Variants in ZFAND1 observed in about 807,000 individuals in gnomAD.
The protein encoded by ZFAND1 is AN1-type zinc finger protein 1.
ZFAND1 carries 40 observed loss-of-function variants against 38.5 expected under a neutral mutation model. The observed-to-expected ratio is 1.04, with a 90% CI of 0.81 to 1.35. ZFAND1 has a LOEUF of 1.35. ZFAND1 is among the 40% of genes most tolerant of loss of function. ZFAND1 has a pLI of 0.00. For missense variants in ZFAND1, 346 were observed against 316.3 expected (o/e 1.09, Z -0.71); for synonymous variants, 117 against 103.6 (o/e 1.13, Z -0.78).
intron 6 of ZFAND1, among the ~76,000 whole-genome samples, chr8:81,705,764 C>T (rs186849117): frequency 2.0e-5 from 3 of 152,232 alleles, no homozygotes; most frequent in Admixed American, 2.0e-4. Context: ...CTTAAAAATA[C>T]AAAAATTAGC....
rs1388566230 is a variant in ZFAND1, at chr8:81,703,138, A to G, written c.481-14T>C. The G allele has an allele frequency of 6.8e-7, 1 of 1,477,596 alleles. No individual in the cohort carries two copies. The highest frequency in any genetic ancestry group is 1.4e-5 in the South Asian group (1 of 71,222). The allele number at this position is 1,477,596 out of a possible 1,614,324, so 91.5% of individuals were successfully genotyped here. Reference sequence around the variant, plus strand: ...AATTCTTTCTGTCTGTAAAAAGAAAAAGTTAAAACAACCATTACATAGACA... The same window carrying G: ...AATTCTTTCTGTCTGTAAAAAGAAAGAGTTAAAACAACCATTACATAGACA... On this transcript the variant is annotated splice_polypyrimidine_tract_variant and intron_variant, in intron 6 of 7. Coordinates refer to ENST00000220669, the MANE Select transcript of ZFAND1 (RefSeq NM_024699.3).
intron 2 of ZFAND1, 115 bp downstream of exon 2, chr8:81,718,067 T>C: frequency 1.2e-6 from 1 of 815,822 alleles, no homozygotes; most frequent in Non-Finnish European, 1.8e-6. Context: ...ATACTGAATA[T>C]CAATAATCAA....
At chr8:81,717,734 T>C (rs954631121) in intron 2 of ZFAND1, among the ~76,000 whole-genome samples, 5 of 152,132 alleles carry the variant, frequency 3.3e-5, no homozygotes, top group African/African-American at 1.2e-4. Flanking sequence ...ATGCTTGACA[T>C]TTTAAAGTTT....
rs761903576 is a variant in ZFAND1 at position 81,721,265 on chromosome 8, A to T, written c.17T>A (p.Ile6Asn). 1.9e-6 allele frequency: 3 copies of T among 1,549,222 alleles called. No individual in the cohort carries two copies. The highest frequency in any genetic ancestry group is 1.7e-6 in the Non-Finnish European group (2 of 1,147,138). The change falls in exon 1 of 8, where the codon ATC becomes AAC. Residue 6 changes from isoleucine to asparagine, a missense_variant. Coordinates refer to ENST00000220669, the MANE Select transcript of ZFAND1 (RefSeq NM_024699.3). MAELD[I>N]GQHCQVEHCR... ...ATGCTCCACCTGGCAGTGCTGCCCG[A>T]TGTCCAACTCCGCCATCTCTCCGGC...
Position 81,702,842 on chromosome 8 carries a change from A to C in ZFAND1, c.660T>G (p.Thr220=). 3.1e-6 allele frequency: 5 copies of C among 1,597,698 alleles called. No individual in the cohort carries two copies. The highest frequency in any genetic ancestry group is 4.3e-6 in the Non-Finnish European group (5 of 1,173,954). ...TAKKLRLCHI[T]SGEALPLDHT... is the part of the protein sequence containing the mutation. ...GATCCAAGGGTAAGGCTTCTCCTGA[A>C]GTAATGTGACACAGCCTTAATTTCT... The change falls in exon 8 of 8, where the codon ACT becomes ACG. Residue 220 remains threonine (T), a synonymous_variant. Transcript: ENST00000220669.
rs35031788 is a variant in ZFAND1 at position 81,706,370 on chromosome 8, C to CAAAAAAAAAAAAAA, written c.481-3260_481-3247dup. Among the ~76,000 whole-genome samples the CAAAAAAAAAAAAAA allele has an allele frequency of 1.2e-3, 85 of 72,660 alleles. 2 individuals carry two copies. The highest frequency in any genetic ancestry group is 7.7e-3 in the East Asian group (17 of 2,212). 47.7% of individuals were successfully genotyped at this position (72,660 alleles called of 152,430 possible). A position where few individuals can be genotyped will look rare whatever the true frequency, so the allele number is the denominator to read the frequency against. On this transcript the variant is annotated intron_variant, in intron 6 of 7. Transcript: ENST00000220669. Reference sequence around the variant, plus strand: ...CAAGTAAGCCCTAAGGAAGGAGAAACAAAAAAAAAAAAAAAAAAAAAAAAG... The same window carrying CAAAAAAAAAAAAAA: ...CAAGTAAGCCCTAAGGAAGGAGAAACAAAAAAAAAAAAAAAAAAAAAAAAAAAAAAAAAAAAAAG...
chr8:81,714,963 T>C (rs369945222), intron 4 of ZFAND1, 24 bp downstream of exon 4: 225 of 1,613,934 alleles, frequency 1.4e-4, no homozygotes, highest in Middle Eastern at 9.9e-4. Flanking sequence ...ATACAAAGTG[T>C]GAACAGCCTA....
chr8:81,714,785 A>T lies in ZFAND1; in HGVS notation c.358+19T>A. ...TCTGGAACTAGGAAAGCAACAAAAC[A>T]CGCTTTCTAGATACTTACCAATAAT... is the stretch of plus-strand genomic sequence containing the variant. On this transcript the variant is annotated intron_variant, in intron 5 of 7. Coordinates refer to ENST00000220669, the MANE Select transcript of ZFAND1 (RefSeq NM_024699.3). 6.2e-7 allele frequency: 1 copy of T among 1,609,434 alleles called. No homozygotes were observed. The highest frequency in any genetic ancestry group is 8.5e-7 in the Non-Finnish European group (1 of 1,175,970).
rs1255934091 is a variant in ZFAND1, at chr8:81,701,884, T to G, written c.*811A>C. 2 of 152,204 alleles carry G rather than the reference T, an allele frequency of 1.3e-5. No homozygotes were observed. Among genetic ancestry groups the G allele is most frequent in the Non-Finnish European group, 2.9e-5 (2 of 68,032 alleles). The allele number at this position is 152,204 out of a possible 1,614,324, so 9.4% of individuals were successfully genotyped here. On this transcript the variant is annotated 3_prime_UTR_variant, in exon 8 of 8. Transcript: ENST00000220669. ...GATAGTAAACACTAGTCAAGAATAC[T>G]CGTCTAAATATGTTGGTAAAATGTA...
rs961380649 is a variant in ZFAND1 at position 81,721,232 on chromosome 8, T to C, written c.50A>G (p.Gln17Arg). ...GCTGGAAGCTCCCGGATCACCTCGC[T>C]GCCGGCAATGCTCCACCTGGCAGTG... ...GQHCQVEHCR[Q>R]RDFLPFVCDD... Residue 17 changes from glutamine to arginine, a missense_variant, in exon 1 of 8, where the codon CAG (glutamine) becomes CGG (arginine). By Grantham distance (43) the Gln-to-Arg change is conservative. Transcript: ENST00000220669. 1.9e-6 allele frequency: 3 copies of C among 1,548,616 alleles called. No homozygotes were observed. The highest frequency in any genetic ancestry group is 2.4e-5 in the South Asian group (2 of 84,006).
intron 3 of ZFAND1, 144 bp from the exon 4 acceptor site, chr8:81,715,258 T>G (rs1352461314): frequency 3.7e-6 from 3 of 817,008 alleles, no homozygotes; most frequent in Non-Finnish European, 5.6e-6. Flanking sequence ...TAAAGAATGT[T>G]TTATGTGACA....
rs75348453 is a variant in ZFAND1, at chr8:81,713,911, G to A, written c.480+7C>T. The A allele has an allele frequency of 0.043, 69,065 of 1,612,364 alleles. 1,674 individuals are homozygous for A. The highest frequency in any genetic ancestry group is 0.067 in the Middle Eastern group (405 of 6,052). On this transcript the variant is annotated splice_region_variant and intron_variant, in intron 6 of 7. Transcript: ENST00000220669. ...TTTTTGTGTTTTAAAAAATCTCTAA[G>A]ACCAACCTGTGGTAATGACTTATCG... is the stretch of plus-strand genomic sequence containing the variant.
At chr8:81,708,864 G>T in intron 6 of ZFAND1, 1 of 1,114,312 alleles carries the variant, frequency 9.0e-7, no homozygotes, top group Non-Finnish European at 1.2e-6. Flanking sequence ...TCTCAGAAGA[G>T]CTGCAAGTAC....
chr8:81,715,606 T>C (rs1449607269), intron 3 of ZFAND1, among the ~76,000 whole-genome samples: 1 of 151,858 alleles, frequency 6.6e-6, no homozygotes, highest in Non-Finnish European at 1.5e-5. Context: ...CATATTTTTA[T>C]TACCAGCAAA....
At chr8:81,709,097 A>C (rs1475507054) in intron 6 of ZFAND1, among the ~76,000 whole-genome samples, 1 of 152,210 alleles carries the variant, frequency 6.6e-6, no homozygotes, top group Non-Finnish European at 1.5e-5. Flanking sequence ...AGTAGCCAAA[A>C]CTGGAAACAA....
intron 1 of ZFAND1, among the ~76,000 whole-genome samples, chr8:81,719,797 T>G (rs368306682): frequency 1.3e-5 from 2 of 152,122 alleles, no homozygotes. Context: ...AAGACATATA[T>G]AGCTGGAAAG....
chr8:81,709,028 AAC>A (rs1366105632), intron 6 of ZFAND1, among the ~76,000 whole-genome samples: 1 of 152,224 alleles, frequency 6.6e-6, no homozygotes, highest in Non-Finnish European at 1.5e-5. Flanking sequence ...TGACACAGCA[AAC>A]ACACTCTTGG....
In ZFAND1 at chr8:81,716,621, T is replaced by C. The variant is rs183479672; in HGVS notation, c.138+628A>G. Among the ~76,000 whole-genome samples the C allele has an allele frequency of 3.9e-4, 60 of 152,194 alleles. No individual in the cohort carries two copies. In the East Asian group the frequency reaches 0.011, roughly 27 times the overall value. ...GACACAGTGAACTGGAGGGAATATATAAGGAGGACATTAACTTACGTGTAT... is the reference window on the plus strand; with the variant it reads ...GACACAGTGAACTGGAGGGAATATACAAGGAGGACATTAACTTACGTGTAT... On this transcript the variant is annotated intron_variant, in intron 3 of 7. Coordinates refer to ENST00000220669, the MANE Select transcript of ZFAND1 (RefSeq NM_024699.3).
chr8:81,717,331 A>C, intron 2 of ZFAND1, 43 bp from the exon 3 acceptor site: 1 of 1,446,210 alleles, frequency 6.9e-7, no homozygotes, highest in Non-Finnish European at 9.2e-7. Flanking sequence ...AACATACTTA[A>C]AGATAACTGC....
Sources: gnomAD v4.1 joint callset for allele counts (sites outside exome capture counted in the v4.1 genomes callset) on GRCh38, gnomAD v4.1.1 for gene constraint, MANE v1.5 for transcripts, NCBI Gene and HGNC (gene_info 2026-07-23, HGNC 2026-07-21) for gene names.